The following CCDC27 variants were observed in gnomAD, a reference collection of about 807,000 sequenced individuals.
CCDC27 encodes the protein coiled-coil domain-containing protein 27.
In CCDC27, 80 loss-of-function variants were observed where a neutral mutation model predicts 80.3. The ratio of observed to expected loss-of-function variants is 1.00; its 90% confidence interval spans 0.83 to 1.20. The LOEUF (loss-of-function observed/expected upper bound fraction) is 1.20. Ranked by LOEUF, CCDC27 falls within the 50% of genes most tolerant of loss-of-function variation. The probability of loss-of-function intolerance (pLI) is 0.00; values close to 1 mark genes in which losing one functional copy is unlikely to be tolerated. For missense variants in CCDC27, 815 were observed against 809.4 expected (o/e 1.01, Z -0.08); for synonymous variants, 342 against 334.3 (o/e 1.02, Z -0.25).
Position 3,760,260 on chromosome 1 carries a change from G to A in CCDC27, c.712-1021G>A, listed in dbSNP as rs1643055190. Among the ~76,000 whole-genome samples the A allele has an allele frequency of 6.6e-6, 1 of 151,990 alleles. No homozygotes were observed. The highest frequency in any genetic ancestry group is 1.5e-5 in the Non-Finnish European group (1 of 68,022). ...AAGTGGTAAGAATCCATACTACAAA[G>A]ATTCCCATGTACTTTTCCATTCCCC... On this transcript the variant is annotated intron_variant, in intron 4 of 11. Coordinates refer to ENST00000294600, the MANE Select transcript of CCDC27 (RefSeq NM_152492.3). The surrounding 1 kb of genome is among the most constrained non-coding windows in gnomAD (Gnocchi z 4.3).
chr1:3,765,971 G>C (rs566072613), intron 8 of CCDC27, among the ~76,000 whole-genome samples: 1 of 151,922 alleles, frequency 6.6e-6, no homozygotes, highest in South Asian at 2.1e-4. Context: ...CCAGAGTCGG[G>C]TGATCCTCTC....
rs898531163 is a variant in CCDC27 at position 3,763,680 on chromosome 1, C to G, written c.1322-26C>G. ...CCCTCACTGCCCCTGCTTGCTCCTG[C>G]TCACCGCCTCTGCCTCTGTGCCCAG... is the stretch of plus-strand genomic sequence containing the variant. On this transcript the variant is annotated intron_variant, in intron 7 of 11. Transcript: ENST00000294600. The surrounding 1 kb of genome is among the most constrained non-coding windows in gnomAD (Gnocchi z 7.5). 1.2e-6 allele frequency: 2 copies of G among 1,613,662 alleles called. No individual in the cohort carries two copies. The highest frequency in any genetic ancestry group is 2.2e-5 in the East Asian group (1 of 44,874).
Position 3,768,715 on chromosome 1 carries a change from G to A in CCDC27, c.1744-1068G>A, listed in dbSNP as rs894547456. ...AGAAATATTGTGAAGCTAAGTCCGG[G>A]TGAGCAGGAACTAGCGCCAAGCCTG... On this transcript the variant is annotated intron_variant, in intron 10 of 11. Coordinates refer to ENST00000294600, the MANE Select transcript of CCDC27 (RefSeq NM_152492.3). This position sits in a 1 kb window ranked among gnomAD's most constrained non-coding sequence, Gnocchi z 5.6. Among the ~76,000 whole-genome samples the A allele has an allele frequency of 3.9e-5, 6 of 152,172 alleles. No homozygotes were observed. Among genetic ancestry groups the A allele is most frequent in the Non-Finnish European group, 7.3e-5 (5 of 68,044 alleles).
In CCDC27 at chr1:3,761,930, C is replaced by T. The variant is rs1459876907; in HGVS notation, c.861+500C>T. Among the ~76,000 whole-genome samples, 2 of 151,944 alleles carry T rather than the reference C, an allele frequency of 1.3e-5. No homozygotes were observed. Among genetic ancestry groups the T allele is most frequent in the African/African-American group, 4.8e-5 (2 of 41,436 alleles). ...TGCCCTGGCCAGGAATCCCTTCTCC[C>T]CACTCTCTGGCTGTGAAGCCCCCTG... On this transcript the variant is annotated intron_variant, in intron 5 of 11. Transcript: ENST00000294600. This position sits in a 1 kb window ranked among gnomAD's most constrained non-coding sequence, Gnocchi z 5.0.
At chr1:3,759,516 C>G (rs1042156177) in intron 4 of CCDC27, among the ~76,000 whole-genome samples, 4 of 152,172 alleles carry the variant, frequency 2.6e-5, no homozygotes, top group Non-Finnish European at 5.9e-5. Context: ...TTAGAATCAG[C>G]TTTAGATTTT....
chr1:3,764,590 G>A (rs1194510740), intron 8 of CCDC27, among the ~76,000 whole-genome samples: 1 of 152,022 alleles, frequency 6.6e-6, no homozygotes, highest in Non-Finnish European at 1.5e-5. Flanking sequence ...ACAGTTATTT[G>A]TCTCACACAC....
chr1:3,769,797 G>A lies in CCDC27; in HGVS notation c.1758G>A (p.Arg586=), dbSNP rs117429207. Residue 586 remains arginine (R), a synonymous_variant, in exon 11 of 12, where the codon AGG becomes AGA. Transcript: ENST00000294600. The surrounding 1 kb of genome is among the most constrained non-coding windows in gnomAD (Gnocchi z 4.6). ...TTTGCTCACAGCTCGAGAGGTTAAGGAATAAGATCATCCAGGCCACCTTTA... is the reference window on the plus strand; with the variant it reads ...TTTGCTCACAGCTCGAGAGGTTAAGAAATAAGATCATCCAGGCCACCTTTA... ...ESSQSRLERL[R]NKIIQATFSI... 2.4e-4 allele frequency: 382 copies of A among 1,613,870 alleles called. No individual in the cohort carries two copies. The East Asian group carries it at 8.1e-3, about 34-fold the overall frequency.
At position 3,768,188 on chromosome 1, in the gene CCDC27, A is replaced by G. The variant is rs1039852498; in HGVS notation, c.1743+743A>G. On this transcript the variant is annotated intron_variant, in intron 10 of 11. Coordinates refer to ENST00000294600, the MANE Select transcript of CCDC27 (RefSeq NM_152492.3). This position sits in a 1 kb window ranked among gnomAD's most constrained non-coding sequence, Gnocchi z 5.6. ...CAGCTCACTGCAGCCTTGGCCTCCCAGGCTCAAGCTGTCGTCATCCCACCT... is the reference window on the plus strand; with the variant it reads ...CAGCTCACTGCAGCCTTGGCCTCCCGGGCTCAAGCTGTCGTCATCCCACCT... Among the ~76,000 whole-genome samples the G allele has an allele frequency of 2.8e-5, 4 of 143,516 alleles. No homozygotes were observed. The highest frequency in any genetic ancestry group is 7.5e-5 in the Admixed American group (1 of 13,250). The allele number at this position is 143,516 out of a possible 152,430, so 94.2% of individuals were successfully genotyped here.
In CCDC27 at chr1:3,761,509, C is replaced by T; in HGVS notation, c.861+79C>T. On this transcript the variant is annotated intron_variant, in intron 5 of 11. Coordinates refer to ENST00000294600, the MANE Select transcript of CCDC27 (RefSeq NM_152492.3). This position sits in a 1 kb window ranked among gnomAD's most constrained non-coding sequence, Gnocchi z 5.0. ...AGCGTCCAAAGCTGCTAGTGACACA[C>T]AGGCCCCTGGCAAACCCCCAGGCCC... 6.6e-7 allele frequency: 1 copy of T among 1,522,208 alleles called. No homozygotes were observed. The highest frequency in any genetic ancestry group is 8.9e-7 in the Non-Finnish European group (1 of 1,127,250). The allele number at this position is 1,522,208 out of a possible 1,614,324, so 94.3% of individuals were successfully genotyped here.
rs532080024 is a variant in CCDC27, at chr1:3,760,852, G to A, written c.712-429G>A. ...AGAATTGAGGGAGTTGAGATTCTGA[G>A]AACAAAAGTTTGAGGAGCTCCCCGA... is the stretch of plus-strand genomic sequence containing the variant. On this transcript the variant is annotated intron_variant, in intron 4 of 11. Transcript: ENST00000294600. This position sits in a 1 kb window ranked among gnomAD's most constrained non-coding sequence, Gnocchi z 4.3. 6.6e-6 allele frequency among the ~76,000 whole-genome samples: 1 copy of A among 152,296 alleles called. No homozygotes were observed. The highest frequency in any genetic ancestry group is 2.1e-4 in the South Asian group (1 of 4,822).
intron 8 of CCDC27, among the ~76,000 whole-genome samples, chr1:3,765,742 G>A (rs965786140): frequency 1.3e-5 from 2 of 152,182 alleles, no homozygotes; most frequent in African/African-American, 4.8e-5. Context: ...TCATTCATCT[G>A]AGAGCTTTGC....
chr1:3,759,683 G>A (rs1045926610), intron 4 of CCDC27, among the ~76,000 whole-genome samples: 55 of 152,334 alleles, frequency 3.6e-4, no homozygotes, highest in South Asian at 1.0e-3. Context: ...GGAGACACAA[G>A]GGGGCTTGCC....
intron 2 of CCDC27, among the ~76,000 whole-genome samples, chr1:3,755,069 C>T (rs1023746994): frequency 2.6e-5 from 4 of 152,228 alleles, no homozygotes; most frequent in African/African-American, 9.6e-5. Context: ...ACATACTGCT[C>T]ATAGGCACCT....
chr1:3,766,497 T>C lies in CCDC27; in HGVS notation c.1453-38T>C. 6.8e-7 allele frequency: 1 copy of C among 1,481,308 alleles called. No individual in the cohort carries two copies. The highest frequency in any genetic ancestry group is 1.4e-5 in the African/African-American group (1 of 71,068). The allele number at this position is 1,481,308 out of a possible 1,614,324, so 91.8% of individuals were successfully genotyped here. ...CGGAATTCAGTCTGTTATCTAAACCTGGGAGTCCCCCAAGCCAACCCTTCT... is the reference window on the plus strand; with the variant it reads ...CGGAATTCAGTCTGTTATCTAAACCCGGGAGTCCCCCAAGCCAACCCTTCT... On this transcript the variant is annotated intron_variant, in intron 8 of 11. Transcript: ENST00000294600. This position sits in a 1 kb window ranked among gnomAD's most constrained non-coding sequence, Gnocchi z 6.1.
In CCDC27 at chr1:3,767,459, T is replaced by C; in HGVS notation, c.1743+14T>C. ...TCCCAGTCCAGGGTATGCCCAGCCC[T>C]TCCTCCTGAGGGTCTGTCCCAGCAG... On this transcript the variant is annotated intron_variant, in intron 10 of 11. Coordinates refer to ENST00000294600, the MANE Select transcript of CCDC27 (RefSeq NM_152492.3). 3 of 1,599,818 alleles carry C rather than the reference T, an allele frequency of 1.9e-6. No individual in the cohort carries two copies. The highest frequency in any genetic ancestry group is 2.6e-6 in the Non-Finnish European group (3 of 1,172,410).
chr1:3,755,481 C>T lies in CCDC27; in HGVS notation c.467C>T (p.Ser156Phe), dbSNP rs909596366. Residue 156 changes from serine to phenylalanine, a missense_variant, in exon 3 of 12, where the codon TCC (serine) becomes TTC (phenylalanine). Ser to Phe is a radical substitution (Grantham distance 155, BLOSUM62 -2). Coordinates refer to ENST00000294600, the MANE Select transcript of CCDC27 (RefSeq NM_152492.3). Reference sequence around the variant, plus strand: ...GGTTCACCCACTGAGGCCGATTTGTCCGGAGAGATTGACAACAGCTCGGAG... The same window carrying T: ...GGTTCACCCACTGAGGCCGATTTGTTCGGAGAGATTGACAACAGCTCGGAG... ...HCGSPTEADL[S>F]GEIDNSSETW... The T allele has an allele frequency of 6.2e-7, 1 of 1,614,146 alleles. No individual in the cohort carries two copies. Among genetic ancestry groups the T allele is most frequent in the African/African-American group, 1.3e-5 (1 of 75,046 alleles).
rs34635257 is a variant in CCDC27 at position 3,766,837 on chromosome 1, C to CTTT, written c.1530+245_1530+247dup. 3.2e-3 allele frequency among the ~76,000 whole-genome samples: 333 copies of CTTT among 105,422 alleles called. 6 individuals are homozygous for CTTT. The highest frequency in any genetic ancestry group is 5.9e-3 in the East Asian group (18 of 3,028). The allele number at this position is 105,422 out of a possible 152,430, so 69.2% of individuals were successfully genotyped here. On this transcript the variant is annotated intron_variant, in intron 9 of 11. Transcript: ENST00000294600. The surrounding 1 kb of genome is among the most constrained non-coding windows in gnomAD (Gnocchi z 6.1). Reference sequence around the variant, plus strand: ...AGGGACCCAGCAAGCGTTCCCAGTCCTTTTTTTTTTTTTTTTTTTTTTGAG... The same window carrying CTTT: ...AGGGACCCAGCAAGCGTTCCCAGTCCTTTTTTTTTTTTTTTTTTTTTTTTTGAG...
At chr1:3,757,094 G>C in intron 4 of CCDC27, 4 of 525,848 alleles carry the variant, frequency 7.6e-6, no homozygotes. Flanking sequence ...GTGGGTGGCA[G>C]TTACGCCGGC....
chr1:3,755,639 C>G, intron 3 of CCDC27, 72 bp downstream of exon 3: 1 of 1,286,062 alleles, frequency 7.8e-7, no homozygotes. Flanking sequence ...CTTGCAGGGT[C>G]GCTGCTTGTG....
Sources: gnomAD v4.1 joint callset for allele counts (sites outside exome capture counted in the v4.1 genomes callset) on GRCh38, gnomAD v4.1.1 for gene constraint, Gnocchi (gnomAD v3.1) non-coding constraint, MANE v1.5 for transcripts, NCBI Gene and HGNC (gene_info 2026-07-23, HGNC 2026-07-21) for gene names.